DNER: variants seen among roughly 807,000 people sequenced by gnomAD.
The protein encoded by DNER is delta/notch like EGF repeat containing.
In DNER, 33 loss-of-function variants were observed where a neutral mutation model predicts 78.2. The ratio of observed to expected loss-of-function variants is 0.42; its 90% CI spans 0.32 to 0.56. The LOEUF is 0.56. Ranked by LOEUF, DNER falls within the 20% of genes least tolerant of loss-of-function variation. The pLI is 0.11. For missense variants in DNER, 918 were observed against 975.3 expected, an observed-to-expected ratio of 0.94 and a Z score of 0.78; for synonymous variants, 417 against 384.8, an observed-to-expected ratio of 1.08 and a Z score of -0.98.
chr2:229,692,762 A>C (rs896540218), intron 1 of DNER, among the ~76,000 whole-genome samples: 12 of 152,236 alleles, frequency 7.9e-5, no homozygotes, highest in South Asian at 2.1e-4. Context: ...GTTTCAATTC[A>C]TTCCACATAG....
chr2:229,606,681 T>C (rs1186089444), intron 1 of DNER, among the ~76,000 whole-genome samples: 3 of 151,696 alleles, frequency 2.0e-5, no homozygotes, highest in Admixed American at 6.6e-5. Context: ...TCACTGGAGG[T>C]CAAGAGTTCA....
intron 1 of DNER, among the ~76,000 whole-genome samples, chr2:229,665,925 A>G (rs1699085638): frequency 6.6e-6 from 1 of 152,074 alleles, no homozygotes; most frequent in Non-Finnish European, 1.5e-5. Context: ...ATCTCAACTC[A>G]ATTCCAATCA....
intron 5 of DNER, among the ~76,000 whole-genome samples, chr2:229,524,298 G>C (rs999158924): frequency 2.0e-5 from 3 of 152,144 alleles, no homozygotes; most frequent in African/African-American, 7.2e-5. Context: ...ATTATTTATT[G>C]CATTGTTTCC....
Position 229,625,988 on chromosome 2 carries a change from C to A in DNER, c.277-34100G>T, listed in dbSNP as rs189697857. ...AGGCCGGACTGCAGTGGCGCTATCTCGGCTCACTGCAAGCTCCGCCTCCCG... is the reference window on the plus strand; with the variant it reads ...AGGCCGGACTGCAGTGGCGCTATCTAGGCTCACTGCAAGCTCCGCCTCCCG... On this transcript the variant is annotated intron_variant, in intron 1 of 12. Transcript: ENST00000341772. 2.4e-4 allele frequency among the ~76,000 whole-genome samples: 37 copies of A among 151,956 alleles called. No individual in the cohort carries two copies. In the East Asian group the frequency reaches 7.2e-3, roughly 29 times the overall value.
At chr2:229,384,950 G>A (rs1331342332) in intron 11 of DNER, among the ~76,000 whole-genome samples, 2 of 151,660 alleles carry the variant, frequency 1.3e-5, no homozygotes, top group Admixed American at 6.6e-5. Flanking sequence ...TGGAAGAGAC[G>A]CAACAAAAAA....
At chr2:229,563,557 G>GTCATCACCCCATCACCATCATCA (rs1697016404) in intron 4 of DNER, among the ~76,000 whole-genome samples, 1 of 47,738 alleles carries the variant, frequency 2.1e-5, no homozygotes, top group African/African-American at 8.9e-5. Context: ...CACCATCATC[G>GTCATCACCCCATCACCATCATCA]TCATCATCCT....
At position 229,397,206 on chromosome 2, in the gene DNER, A is replaced by G. The variant is rs906287311; in HGVS notation, c.1724-8810T>C. 2.6e-5 allele frequency among the ~76,000 whole-genome samples: 4 copies of G among 152,256 alleles called. No individual in the cohort carries two copies. In the South Asian group the frequency reaches 8.3e-4, roughly 32 times the overall value. ...AAATAAACATAAGAAAATTCCAAGA[A>G]GTTGAGAGAAAGAGACAGACTGGCT... On this transcript the variant is annotated intron_variant, in intron 10 of 12. Transcript: ENST00000341772.
chr2:229,433,380 C>T (rs1269237726), intron 8 of DNER, among the ~76,000 whole-genome samples: 3 of 152,120 alleles, frequency 2.0e-5, no homozygotes, highest in Non-Finnish European at 4.4e-5. Flanking sequence ...TACCAGCCAT[C>T]GGCACATGGA....
intron 5 of DNER, among the ~76,000 whole-genome samples, chr2:229,536,607 G>C (rs1195253842): frequency 6.6e-6 from 1 of 152,140 alleles, no homozygotes; most frequent in Non-Finnish European, 1.5e-5. Flanking sequence ...TCCAGGGGGA[G>C]GAAGAACAAG....
chr2:229,573,411 G>C (rs150943446), intron 4 of DNER, among the ~76,000 whole-genome samples: 3 of 152,098 alleles, frequency 2.0e-5, no homozygotes, highest in Non-Finnish European at 4.4e-5. Flanking sequence ...TGACATGTTC[G>C]ACTCTGGTCC....
intron 1 of DNER, among the ~76,000 whole-genome samples, chr2:229,615,684 C>T (rs1391878019): frequency 4.6e-5 from 7 of 152,122 alleles, no homozygotes; most frequent in Admixed American, 2.0e-4. Flanking sequence ...TGCACTCTAG[C>T]CTGGGCAACA....
chr2:229,561,790 C>A (rs1308609692), intron 4 of DNER, among the ~76,000 whole-genome samples: 1 of 152,118 alleles, frequency 6.6e-6, no homozygotes, highest in Non-Finnish European at 1.5e-5. Flanking sequence ...GCTAATTGCC[C>A]ACTGATATCT....
At chr2:229,477,304 C>A in intron 6 of DNER, 51 bp from the exon 7 acceptor site, 3 of 1,386,536 alleles carry the variant, frequency 2.2e-6, no homozygotes, top group Non-Finnish European at 3.0e-6. Flanking sequence ...CCAGACCCAC[C>A]ATGAGCCACT....
rs188156060 is a variant in DNER, at chr2:229,555,589, A to T, written c.848-8497T>A. Among the ~76,000 whole-genome samples, 8 of 152,328 alleles carry T rather than the reference A, an allele frequency of 5.3e-5. 1 individual carries two copies. The highest frequency in any genetic ancestry group is 2.0e-4 in the Admixed American group (3 of 15,302). On this transcript the variant is annotated intron_variant, in intron 4 of 12. Transcript: ENST00000341772. The stretch of plus-strand genomic sequence containing the variant: ...CATTTTGTATCTTGGGTGGCTTCTT[A>T]TACCACCTTTACTGAAGCTTCCTTG...
At chr2:229,491,950 TAC>T (rs58442076) in intron 6 of DNER, among the ~76,000 whole-genome samples, 68,459 of 149,436 alleles carry the variant, frequency 0.46, 15,510 homozygotes, top group South Asian at 0.6. Flanking sequence ...TTGCCATGAT[TAC>T]ACACACACAC....
chr2:229,634,868 TC>T (rs1698501550), intron 1 of DNER, among the ~76,000 whole-genome samples: 1 of 152,036 alleles, frequency 6.6e-6, no homozygotes, highest in African/African-American at 2.4e-5. Flanking sequence ...AAATGCCCTT[TC>T]CCCCCACCAA....
chr2:229,417,540 G>A (rs1002187797), intron 9 of DNER, among the ~76,000 whole-genome samples: 1 of 152,020 alleles, frequency 6.6e-6, no homozygotes, highest in African/African-American at 2.4e-5. Context: ...ACGCTGACCA[G>A]GCTTATAGGG....
At chr2:229,510,823 G>C (rs1478592185) in intron 6 of DNER, among the ~76,000 whole-genome samples, 1 of 152,174 alleles carries the variant, frequency 6.6e-6, no homozygotes, top group African/African-American at 2.4e-5. Context: ...CTGTTCAAAT[G>C]AATGAGGTCA....
intron 8 of DNER, among the ~76,000 whole-genome samples, chr2:229,444,001 T>C (rs1231079461): frequency 1.3e-5 from 2 of 152,180 alleles, no homozygotes; most frequent in African/African-American, 2.4e-5. Flanking sequence ...CCTGTCACGA[T>C]TACAAGGCTC....
Sources: allele counts gnomAD v4.1 joint callset (sites outside exome capture counted in the v4.1 genomes callset), GRCh38; gene constraint gnomAD v4.1.1; transcripts MANE v1.5; gene names NCBI Gene and HGNC (gene_info 2026-07-23, HGNC 2026-07-21).